PRKN: variants seen among roughly 807,000 people sequenced by gnomAD.
The protein encoded by PRKN is E3 ubiquitin-protein ligase parkin.
PRKN carries 56 observed loss-of-function variants against 59.5 expected under a neutral mutation model. That is an observed-to-expected ratio of 0.94 (90% CI 0.76 to 1.18). The LOEUF is 1.18. Ranked by LOEUF, PRKN falls within the 50% of genes most tolerant of loss-of-function variation. The probability of loss-of-function intolerance (pLI) is 0.00; values close to 1 mark genes in which losing one functional copy is unlikely to be tolerated. For missense variants in PRKN, 657 were observed against 596.4 expected, an observed-to-expected ratio of 1.10 and a Z score of -1.06; for synonymous variants, 250 against 222.1, an observed-to-expected ratio of 1.13 and a Z score of -1.12.
rs1463068251 is a variant in PRKN at position 161,578,468 on chromosome 6, G to A, written c.872-9052C>T. ...GTTCACCTGGGCAATAATAGCTCTT[G>A]TATAAGACAACAGTTTCCTTATGAA... On this transcript the variant is annotated intron_variant, in intron 7 of 11. Coordinates refer to ENST00000366898, the MANE Select transcript of PRKN (RefSeq NM_004562.3). This position sits in a 1 kb window ranked among gnomAD's most constrained non-coding sequence, Gnocchi z 4.2. 1.3e-5 allele frequency among the ~76,000 whole-genome samples: 2 copies of A among 152,336 alleles called. No homozygotes were observed. The highest frequency in any genetic ancestry group is 4.8e-5 in the African/African-American group (2 of 41,574).
At chr6:161,695,789 T>A (rs775042688) in intron 7 of PRKN, among the ~76,000 whole-genome samples, 1 of 152,282 alleles carries the variant, frequency 6.6e-6, no homozygotes, top group East Asian at 1.9e-4. Context: ...CAGTCAATCA[T>A]GAGAGCACAG....
At chr6:162,106,238 C>A (rs1303254807) in intron 4 of PRKN, among the ~76,000 whole-genome samples, 2 of 152,006 alleles carry the variant, frequency 1.3e-5, no homozygotes, top group Non-Finnish European at 2.9e-5. Context: ...CAAAGAATGC[C>A]AAATTATTAG....
Position 161,484,773 on chromosome 6 carries a change from A to G in PRKN, c.1083+64081T>C, listed in dbSNP as rs1298462374. On this transcript the variant is annotated intron_variant, in intron 9 of 11. Transcript: ENST00000366898. This position sits in a 1 kb window ranked among gnomAD's most constrained non-coding sequence, Gnocchi z 4.9. The stretch of plus-strand genomic sequence containing the variant: ...TCCCCCTGTTGTGATGACCAAAACT[A>G]TCTCCAGACATGACCAAATATCCCC... 6.6e-6 allele frequency among the ~76,000 whole-genome samples: 1 copy of G among 152,160 alleles called. No homozygotes were observed. The highest frequency in any genetic ancestry group is 1.5e-5 in the Non-Finnish European group (1 of 68,034).
intron 4 of PRKN, among the ~76,000 whole-genome samples, chr6:162,097,155 C>T (rs759638750): frequency 4.1e-4 from 63 of 152,198 alleles, no homozygotes; most frequent in Middle Eastern, 6.8e-3. Flanking sequence ...GGACTACAGG[C>T]GTGAGCCACT....
chr6:161,859,333 G>A (rs935252422), intron 6 of PRKN, among the ~76,000 whole-genome samples: 4 of 151,966 alleles, frequency 2.6e-5, no homozygotes, highest in Admixed American at 6.6e-5. Context: ...GGCCAGACGC[G>A]GTGACTGACG....
At chr6:162,311,585 C>A (rs566871264) in intron 2 of PRKN, among the ~76,000 whole-genome samples, 3 of 149,866 alleles carry the variant, frequency 2.0e-5, no homozygotes, top group Non-Finnish European at 4.4e-5. Context: ...TGGGTTCAAG[C>A]GATTCTCCTG....
chr6:161,844,386 C>T (rs1793113422), intron 6 of PRKN, among the ~76,000 whole-genome samples: 1 of 152,296 alleles, frequency 6.6e-6, no homozygotes, highest in South Asian at 2.1e-4. Context: ...GTTTGTTAAA[C>T]AGCTAACATT....
intron 2 of PRKN, among the ~76,000 whole-genome samples, chr6:162,381,238 C>T (rs569184824): frequency 3.3e-4 from 51 of 152,282 alleles, no homozygotes; most frequent in African/African-American, 1.1e-3. Flanking sequence ...TCCCCCGTCA[C>T]ATCCTCATAG....
Position 161,485,677 on chromosome 6 carries a change from G to A in PRKN, c.1083+63177C>T, listed in dbSNP as rs538756666. 2.8e-4 allele frequency among the ~76,000 whole-genome samples: 42 copies of A among 152,060 alleles called. No individual in the cohort carries two copies. In the South Asian group the frequency reaches 7.1e-3, roughly 26 times the overall value. On this transcript the variant is annotated intron_variant, in intron 9 of 11. Transcript: ENST00000366898. ...TTAGTTAGAAATCAAAATTTTTTTGGACAGATTCACTTGAGAGAATGAAGA... is the reference window on the plus strand; with the variant it reads ...TTAGTTAGAAATCAAAATTTTTTTGAACAGATTCACTTGAGAGAATGAAGA...
chr6:162,498,822 A>C (rs57353935), intron 1 of PRKN, among the ~76,000 whole-genome samples: 1 of 123,668 alleles, frequency 8.1e-6, no homozygotes, highest in African/African-American at 2.9e-5. Flanking sequence ...AATGAGGTTT[A>C]TGAGAATTGG....
At chr6:162,702,089 G>A (rs1778178819) in intron 1 of PRKN, among the ~76,000 whole-genome samples, 1 of 151,988 alleles carries the variant, frequency 6.6e-6, no homozygotes, top group Non-Finnish European at 1.5e-5. Flanking sequence ...AATAGGAGGT[G>A]AAAACTATCG....
At chr6:162,624,339 G>C (rs1484415356) in intron 1 of PRKN, 1 of 151,574 alleles carries the variant, frequency 6.6e-6, no homozygotes, top group Non-Finnish European at 1.5e-5. Flanking sequence ...AAATTTACAA[G>C]TATAGATACA....
At chr6:161,874,829 A>AAT (rs373723815) in intron 6 of PRKN, among the ~76,000 whole-genome samples, 19 of 30,242 alleles carry the variant, frequency 6.3e-4, no homozygotes, top group Admixed American at 1.1e-3. Flanking sequence ...TAATATATAA[A>AAT]ATGTATAATA....
intron 9 of PRKN, among the ~76,000 whole-genome samples, chr6:161,443,394 T>C (rs1376607952): frequency 6.6e-6 from 1 of 151,874 alleles, no homozygotes; most frequent in African/African-American, 2.4e-5. Context: ...CCACATGCCC[T>C]GCATGGGGCG....
At chr6:162,693,905 T>C (rs1483316071) in intron 1 of PRKN, among the ~76,000 whole-genome samples, 4 of 152,176 alleles carry the variant, frequency 2.6e-5, no homozygotes, top group African/African-American at 4.8e-5. Flanking sequence ...TCTGTGCCTA[T>C]TGACCTTGTG....
intron 2 of PRKN, among the ~76,000 whole-genome samples, chr6:162,364,846 T>A (rs1234802019): frequency 6.6e-6 from 1 of 152,062 alleles, no homozygotes; most frequent in Admixed American, 6.6e-5. Context: ...AGGAATATGA[T>A]CCTGGGCTGT....
chr6:161,666,417 T>C (rs1234051607), intron 7 of PRKN, among the ~76,000 whole-genome samples: 2 of 152,152 alleles, frequency 1.3e-5, no homozygotes, highest in Non-Finnish European at 2.9e-5. Context: ...GTGGAACAGT[T>C]TCATCTGCAA....
intron 7 of PRKN, among the ~76,000 whole-genome samples, chr6:161,620,325 T>A (rs1782851045): frequency 6.6e-6 from 1 of 152,062 alleles, no homozygotes; most frequent in Non-Finnish European, 1.5e-5. Context: ...TTTCCATTGG[T>A]CCTGTTGGCT....
intron 2 of PRKN, among the ~76,000 whole-genome samples, chr6:162,359,731 G>A (rs778131612): frequency 6.2e-4 from 94 of 152,074 alleles, no homozygotes; most frequent in Non-Finnish European, 9.9e-4. Context: ...GGTCAAATAC[G>A]TTCAAGAATC....
Sources: allele counts gnomAD v4.1 joint callset (sites outside exome capture counted in the v4.1 genomes callset), GRCh38; gene constraint gnomAD v4.1.1; non-coding constraint Gnocchi (gnomAD v3.1); transcripts MANE v1.5; gene names NCBI Gene and HGNC (gene_info 2026-07-23, HGNC 2026-07-21).